Variants in NPAS3 observed in about 807,000 individuals in gnomAD.
NPAS3 encodes the protein neuronal PAS domain-containing protein 3.
A neutral mutation model predicts 73.1 loss-of-function variants in NPAS3; 14 were observed. The ratio of observed to expected loss-of-function variants is 0.19; its 90% CI spans 0.13 to 0.30. NPAS3 has a LOEUF of 0.30. Among genes scored for constraint, NPAS3 ranks in the 10% least tolerant of loss-of-function variants. The probability of loss-of-function intolerance (pLI) is 1.00; values close to 1 mark genes in which losing one functional copy is unlikely to be tolerated. For missense variants in NPAS3, 1,096 were observed against 1,250.0 expected (o/e 0.88, Z 1.86); for synonymous variants, 620 against 541.5 (o/e 1.14, Z -2.01).
intron 1 of NPAS3, among the ~76,000 whole-genome samples, chr14:32,961,744 T>A (rs563319980): frequency 6.6e-6 from 1 of 152,288 alleles, no homozygotes; most frequent in South Asian, 2.1e-4. Flanking sequence ...AATAACCCTC[T>A]GAGGAAGATA....
chr14:33,469,346 A>G (rs1285032232), intron 4 of NPAS3, among the ~76,000 whole-genome samples: 1 of 151,784 alleles, frequency 6.6e-6, no homozygotes, highest in Non-Finnish European at 1.5e-5. Context: ...TCTATGTGCT[A>G]GTCATAGAGT....
rs776825118 is a variant in NPAS3 at position 33,691,136 on chromosome 14, G to A, written c.733+14751G>A. 5.6e-4 allele frequency among the ~76,000 whole-genome samples: 85 copies of A among 152,298 alleles called. 1 individual carries two copies. Among genetic ancestry groups the A allele is most frequent in the Middle Eastern group, 3.4e-3 (1 of 294 alleles). ...AAACAATCAGACAGTTGTCAATCTG[G>A]GTGAAGCCCAGTTCCATTTAAGAGT... On this transcript the variant is annotated intron_variant, in intron 6 of 11. Transcript: ENST00000356141.
chr14:33,173,714 C>A (rs1205089395), intron 2 of NPAS3, among the ~76,000 whole-genome samples: 1 of 152,148 alleles, frequency 6.6e-6, no homozygotes, highest in Admixed American at 6.5e-5. Flanking sequence ...TGCTTTTATT[C>A]TCTGATGAAT....
chr14:33,405,364 G>T (rs1254431364), intron 4 of NPAS3, among the ~76,000 whole-genome samples: 1 of 152,026 alleles, frequency 6.6e-6, no homozygotes, highest in Non-Finnish European at 1.5e-5. Context: ...ATTTATGAGG[G>T]AAAGTCTCCT....
chr14:33,594,292 T>A (rs1016372142), intron 5 of NPAS3, among the ~76,000 whole-genome samples: 6 of 152,136 alleles, frequency 3.9e-5, no homozygotes, highest in African/African-American at 1.4e-4. Context: ...TTGTTGTTGT[T>A]GTATTGCTAT....
intron 2 of NPAS3, among the ~76,000 whole-genome samples, chr14:33,112,029 A>G (rs1295918): frequency 0.059 from 8,973 of 152,200 alleles, 719 homozygotes; most frequent in East Asian, 0.4. Flanking sequence ...ATAGTATTCC[A>G]TGGTGTATAT....
chr14:33,468,058 C>G (rs2050613543), intron 4 of NPAS3, among the ~76,000 whole-genome samples: 1 of 152,162 alleles, frequency 6.6e-6, no homozygotes, highest in Non-Finnish European at 1.5e-5. Flanking sequence ...CATCATGCCC[C>G]CCAAGAGTAC....
intron 3 of NPAS3, among the ~76,000 whole-genome samples, chr14:33,352,726 A>G (rs940369175): frequency 6.6e-5 from 10 of 152,238 alleles, no homozygotes; most frequent in Admixed American, 6.5e-4. Flanking sequence ...TGTAGAGGAC[A>G]GAGCTAGACA....
At chr14:33,647,043 A>C (rs1305408420) in intron 5 of NPAS3, among the ~76,000 whole-genome samples, 1 of 152,200 alleles carries the variant, frequency 6.6e-6, no homozygotes, top group East Asian at 1.9e-4. Flanking sequence ...TTTTGAAACA[A>C]AAGTGCTGTT....
intron 4 of NPAS3, among the ~76,000 whole-genome samples, chr14:33,460,021 A>G (rs2050189831): frequency 6.6e-6 from 1 of 152,228 alleles, no homozygotes; most frequent in African/African-American, 2.4e-5. Flanking sequence ...AATTACACAG[A>G]AGGTGACTGC....
chr14:33,314,147 A>G (rs1269149735), intron 3 of NPAS3, among the ~76,000 whole-genome samples: 2 of 152,098 alleles, frequency 1.3e-5, no homozygotes, highest in Non-Finnish European at 2.9e-5. Flanking sequence ...AAGTGATAAT[A>G]GGTAGAATTT....
intron 3 of NPAS3, among the ~76,000 whole-genome samples, chr14:33,221,893 A>C (rs1283990345): frequency 6.6e-6 from 1 of 152,160 alleles, no homozygotes; most frequent in African/African-American, 2.4e-5. Context: ...GTCATGGCTG[A>C]AACTTCCATA....
At chr14:33,370,019 T>G (rs926146357) in intron 4 of NPAS3, among the ~76,000 whole-genome samples, 3 of 152,146 alleles carry the variant, frequency 2.0e-5, no homozygotes, top group Non-Finnish European at 4.4e-5. Flanking sequence ...CATTTGCAAA[T>G]AGTTGATAAA....
chr14:33,388,572 A>G (rs1247461481), intron 4 of NPAS3, among the ~76,000 whole-genome samples: 1 of 152,116 alleles, frequency 6.6e-6, no homozygotes, highest in African/African-American at 2.4e-5. Flanking sequence ...TTGTGGGGAA[A>G]GGTTATATTA....
intron 2 of NPAS3, among the ~76,000 whole-genome samples, chr14:33,101,458 G>C (rs1030063651): frequency 5.3e-5 from 8 of 152,104 alleles, no homozygotes; most frequent in Non-Finnish European, 1.0e-4. Context: ...GGTGGCACAG[G>C]TTTGCTGATT....
intron 5 of NPAS3, among the ~76,000 whole-genome samples, chr14:33,606,345 T>C (rs2057565357): frequency 6.6e-6 from 1 of 151,428 alleles, no homozygotes; most frequent in South Asian, 2.1e-4. Flanking sequence ...GTTCTTGCGA[T>C]AGTTTACTGA....
At chr14:33,673,252 T>C (rs2059662730) in intron 5 of NPAS3, among the ~76,000 whole-genome samples, 1 of 152,214 alleles carries the variant, frequency 6.6e-6, no homozygotes, top group Admixed American at 6.5e-5. Flanking sequence ...TGAGAGGTAA[T>C]AGGTCAAGTG....
rs2048134229 is a variant in NPAS3, at chr14:33,239,130, TCTC to T, written c.385+23707_385+23709del. On this transcript the variant is annotated intron_variant, in intron 3 of 11. Transcript: ENST00000356141. Reference sequence around the variant, plus strand: ...TCACATTTATTAGCTTCCAATTTGTTCTCCTGGGGGTCTGAGGGGAGAGGAGGT... The same window carrying T: ...TCACATTTATTAGCTTCCAATTTGTTCTGGGGGTCTGAGGGGAGAGGAGGT... 2.0e-5 allele frequency among the ~76,000 whole-genome samples: 3 copies of T among 151,884 alleles called. No homozygotes were observed. In the South Asian group the frequency reaches 6.2e-4, roughly 31 times the overall value.
At chr14:33,706,360 C>T (rs2060656248) in intron 6 of NPAS3, among the ~76,000 whole-genome samples, 2 of 152,144 alleles carry the variant, frequency 1.3e-5, no homozygotes, top group African/African-American at 4.8e-5. Flanking sequence ...TTATGAATCC[C>T]ATTTTCACAG....
Sources: allele counts gnomAD v4.1 joint callset (sites outside exome capture counted in the v4.1 genomes callset), GRCh38; gene constraint gnomAD v4.1.1; transcripts MANE v1.5; gene names NCBI Gene and HGNC (gene_info 2026-07-23, HGNC 2026-07-21).